The following STK24 variants were observed in gnomAD, a reference collection of about 807,000 sequenced individuals.
The protein encoded by STK24 is serine/threonine kinase 24, also known as serine/threonine-protein kinase 24.
Under a neutral mutation model 55.6 loss-of-function variants are expected in STK24, and 21 were observed. That is an observed-to-expected ratio of 0.38 (90% CI 0.27 to 0.54). The LOEUF (loss-of-function observed/expected upper bound fraction) is 0.54, where lower values mean the gene tolerates loss of function less well. Ranked by LOEUF, STK24 falls within the 20% of genes least tolerant of loss-of-function variation. The pLI, the probability that STK24 is intolerant of heterozygous loss-of-function variation, is 0.79. For synonymous variants in STK24, 200 were observed against 215.2 expected (o/e 0.93, Z 0.62); for missense variants, 383 against 538.4 (o/e 0.71, Z 2.86).
Position 98,445,857 on chromosome 13 carries a change from G to GTC in STK24, c.*7315_*7316insGA, listed in dbSNP as rs1566328141. 10 of 464,712 alleles carry GTC rather than the reference G, an allele frequency of 2.2e-5. No individual in the cohort carries two copies. Among genetic ancestry groups the GTC allele is most frequent in the African/African-American group, 1.0e-4 (5 of 49,860 alleles). The allele number at this position is 464,712 out of a possible 1,614,324, so 28.8% of individuals were successfully genotyped here. A position where few individuals can be genotyped will look rare whatever the true frequency, so the allele number is the denominator to read the frequency against. ...AGGTACTGGTAGTCAGGACCTCAACGTGTCTTTTGGGGGGACACAGGGACC... is the reference window on the plus strand; with the variant it reads ...AGGTACTGGTAGTCAGGACCTCAACGTCTGTCTTTTGGGGGGACACAGGGACC... On this transcript the variant is annotated 3_prime_UTR_variant, in exon 11 of 11. Transcript: ENST00000539966.
At chr13:98,510,666 A>G (rs1462648454) in intron 2 of STK24, among the ~76,000 whole-genome samples, 1 of 152,232 alleles carries the variant, frequency 6.6e-6, no homozygotes, top group East Asian at 1.9e-4. Flanking sequence ...CAGACACAAC[A>G]GGACACATGT....
chr13:98,533,121 A>G (rs748479876), intron 1 of STK24, among the ~76,000 whole-genome samples: 2 of 152,222 alleles, frequency 1.3e-5, no homozygotes, highest in African/African-American at 4.8e-5. Context: ...GCTCACGCCT[A>G]TAATCCCAGC....
At chr13:98,487,583 T>C (rs1894855095) in intron 2 of STK24, among the ~76,000 whole-genome samples, 1 of 152,066 alleles carries the variant, frequency 6.6e-6, no homozygotes, top group Admixed American at 6.5e-5. Flanking sequence ...TACGAGCAAA[T>C]ACCTACAAAA....
intron 1 of STK24, among the ~76,000 whole-genome samples, chr13:98,536,121 A>G (rs2139411069): frequency 6.6e-6 from 1 of 152,314 alleles, no homozygotes; most frequent in African/African-American, 2.4e-5. Flanking sequence ...TTTGTCACAA[A>G]TAGGAACACA....
chr13:98,491,352 G>A (rs867926087), intron 2 of STK24, among the ~76,000 whole-genome samples: 5 of 152,212 alleles, frequency 3.3e-5, no homozygotes, highest in Non-Finnish European at 7.3e-5. Context: ...CCCAGGCTTC[G>A]CTCTTCCAGA....
intron 1 of STK24, among the ~76,000 whole-genome samples, chr13:98,545,222 T>C (rs1479333850): frequency 6.6e-6 from 1 of 152,260 alleles, no homozygotes; most frequent in East Asian, 1.9e-4. Flanking sequence ...TACACTGAGA[T>C]GTTAACAGTA....
At chr13:98,475,482 T>C in intron 3 of STK24, 124 bp from the exon 4 acceptor site, 1 of 651,536 alleles carries the variant, frequency 1.5e-6, no homozygotes, top group East Asian at 2.9e-5. Flanking sequence ...CTTCTTCACT[T>C]AAAACACATG....
chr13:98,531,465 C>G (rs1031685289), intron 1 of STK24, among the ~76,000 whole-genome samples: 1 of 152,172 alleles, frequency 6.6e-6, no homozygotes. Context: ...CTCCATTGCC[C>G]TGGGAAGCGC....
intron 5 of STK24, among the ~76,000 whole-genome samples, chr13:98,468,119 T>C (rs1226557393): frequency 6.6e-6 from 1 of 152,220 alleles, no homozygotes; most frequent in African/African-American, 2.4e-5. Context: ...ACACTTACCA[T>C]GTTCCTGCAG....
rs371915680 is a variant in STK24 at position 98,555,681 on chromosome 13, C to CTTTT, written c.42+21060_42+21063dup. 9.7e-4 allele frequency among the ~76,000 whole-genome samples: 126 copies of CTTTT among 129,258 alleles called. 1 individual carries two copies. The South Asian group carries it at 0.01, about 10-fold the overall frequency. The allele number at this position is 129,258 out of a possible 152,430, so 84.8% of individuals were successfully genotyped here. A position where few individuals can be genotyped will look rare whatever the true frequency, so the allele number is the denominator to read the frequency against. On this transcript the variant is annotated intron_variant, in intron 1 of 10. Coordinates refer to ENST00000539966, the MANE Select transcript of STK24 (RefSeq NM_001032296.4). ...GTCCTACACATATCAGCCTCCCTGT[C>CTTTT]TTTTTTTTTTTTTTTTTGAGATGGA...
chr13:98,519,623 G>A, intron 1 of STK24, 150 bp from the exon 2 acceptor site: 1 of 667,194 alleles, frequency 1.5e-6, no homozygotes, highest in Admixed American at 2.8e-5. Flanking sequence ...GGTGACCACA[G>A]CTCTGCAGGT....
intron 1 of STK24, among the ~76,000 whole-genome samples, chr13:98,565,579 C>A (rs1169412995): frequency 6.6e-6 from 1 of 150,932 alleles, no homozygotes; most frequent in African/African-American, 2.4e-5. Flanking sequence ...TTGCAGTGAG[C>A]CGAGATCGTG....
Position 98,484,673 on chromosome 13 carries a change from A to G in STK24, c.274-2352T>C, listed in dbSNP as rs114873290. ...CGTCACCACTTGCCAAGCAAACAAG[A>G]TAAGTTTCACCTGGCTACCTTCTCC... On this transcript the variant is annotated intron_variant, in intron 2 of 10. Transcript: ENST00000539966. Among the ~76,000 whole-genome samples, 1,196 of 152,262 alleles carry G rather than the reference A, an allele frequency of 7.9e-3. 18 individuals are homozygous for G. Among genetic ancestry groups the G allele is most frequent in the African/African-American group, 0.027 (1,113 of 41,554 alleles).
chr13:98,528,674 T>A (rs1450799707), intron 1 of STK24, among the ~76,000 whole-genome samples: 1 of 152,206 alleles, frequency 6.6e-6, no homozygotes, highest in African/African-American at 2.4e-5. Context: ...CTTCTTTTGA[T>A]CATTTCTGGC....
intron 1 of STK24, among the ~76,000 whole-genome samples, chr13:98,529,485 C>T (rs1288735489): frequency 2.0e-5 from 3 of 152,190 alleles, no homozygotes; most frequent in East Asian, 3.8e-4. Context: ...ACACTGAGGT[C>T]ACACTCAGCT....
At chr13:98,460,079 T>C (rs1320824830) in intron 9 of STK24, among the ~76,000 whole-genome samples, 1 of 152,196 alleles carries the variant, frequency 6.6e-6, no homozygotes, top group Non-Finnish European at 1.5e-5. Context: ...GAGAGCAGGC[T>C]GTACACAATG....
intron 1 of STK24, among the ~76,000 whole-genome samples, chr13:98,533,342 G>C (rs961463638): frequency 1.4e-5 from 2 of 144,468 alleles, no homozygotes; most frequent in African/African-American, 5.2e-5. Flanking sequence ...CTGGGTGACA[G>C]AGCGAGACTA....
In STK24 at chr13:98,446,351, C is replaced by T. The variant is rs529258370; in HGVS notation, c.*6822G>A. 15 of 619,396 alleles carry T rather than the reference C, an allele frequency of 2.4e-5. No individual in the cohort carries two copies. The highest frequency in any genetic ancestry group is 1.9e-4 in the South Asian group (10 of 51,590). The allele number at this position is 619,396 out of a possible 1,614,324, so 38.4% of individuals were successfully genotyped here. On this transcript the variant is annotated 3_prime_UTR_variant, in exon 11 of 11. Transcript: ENST00000539966. ...AGGGATGCTGGCGGGGGGCCCTGTC[C>T]ACCCGAGGCCCTCAACTCTAGGGAA...
chr13:98,563,371 C>T (rs926328663), intron 1 of STK24, among the ~76,000 whole-genome samples: 4 of 152,170 alleles, frequency 2.6e-5, no homozygotes, highest in African/African-American at 9.7e-5. Context: ...TTCACAGAAG[C>T]TCGTCTTTTC....
Sources: allele counts gnomAD v4.1 joint callset (sites outside exome capture counted in the v4.1 genomes callset), GRCh38; gene constraint gnomAD v4.1.1; transcripts MANE v1.5; gene names NCBI Gene and HGNC (gene_info 2026-07-23, HGNC 2026-07-21).